The following DAG1 variants were observed in gnomAD, a reference collection of about 807,000 sequenced individuals.
DAG1 encodes dystroglycan 1 (dystrophin-associated glycoprotein 1).
A neutral mutation model predicts 46.1 loss-of-function variants in DAG1; 8 were observed. The ratio of observed to expected loss-of-function variants is 0.17; its 90% CI spans 0.10 to 0.31. The LOEUF (loss-of-function observed/expected upper bound fraction) is 0.31, where lower values mean the gene tolerates loss of function less well. DAG1 is among the 10% of genes least tolerant of loss of function. The pLI is 1.00. For synonymous variants in DAG1, 495 were observed against 481.8 expected, an observed-to-expected ratio of 1.03 and a Z score of -0.36; for missense variants, 1,003 against 1,189.9, an observed-to-expected ratio of 0.84 and a Z score of 2.31.
intron 1 of DAG1, among the ~76,000 whole-genome samples, chr3:49,472,716 A>T (rs1410037436): frequency 6.6e-6 from 1 of 152,130 alleles, no homozygotes; most frequent in Non-Finnish European, 1.5e-5. Flanking sequence ...CTGAGGCAGG[A>T]GAATGGCGTG....
Position 49,533,051 on chromosome 3 carries a change from T to C in DAG1, c.2540T>C (p.Met847Thr). 1 of 1,614,034 alleles carries C rather than the reference T, an allele frequency of 6.2e-7. No homozygotes were observed. The highest frequency in any genetic ancestry group is 8.5e-7 in the Non-Finnish European group (1 of 1,179,992). The part of the protein sequence containing the change: ...PETTPLNQDT[M>T]GEYTPLRDED... ...ACCACTCCTCTGAACCAGGACACCA[T>C]GGGAGAGTACACGCCCCTGCGGGAT... is the stretch of plus-strand genomic sequence containing the variant. The change falls in exon 3 of 3, where the codon ATG becomes ACG. Residue 847 changes from methionine to threonine, a missense_variant. Physicochemically the swap from Met to Thr is moderately conservative, Grantham distance 81 (BLOSUM62 -1). Around this residue, in one of 3 missense-constraint regions of DAG1, gnomAD observed 755 missense variants for 854.1 expected, o/e 0.88. Transcript: ENST00000308775.
In DAG1 at chr3:49,531,629, G is replaced by A. The variant is rs752984606; in HGVS notation, c.1118G>A (p.Arg373Gln). Residue 373 changes from arginine to glutamine, a missense_variant, in exon 3 of 3, where the codon CGA becomes CAA. Arg to Gln is a conservative substitution (Grantham distance 43). Transcript: ENST00000308775. The surrounding 1 kb of genome is among the most constrained non-coding windows in gnomAD (Gnocchi z 7.0). ...AAACCCACGGTCACCATCCGGACTC[G>A]AGGCGCCATTATTCAAACCCCAACC... Reference protein sequence around the residue: ...PGKPTVTIRTRGAIIQTPTLG... With the variant: ...PGKPTVTIRTQGAIIQTPTLG... The A allele has an allele frequency of 8.7e-6, 14 of 1,612,564 alleles. No individual in the cohort carries two copies. In the South Asian group the frequency reaches 9.9e-5, roughly 11 times the overall value.
chr3:49,484,770 G>T (rs927713511), intron 1 of DAG1, among the ~76,000 whole-genome samples: 10 of 152,024 alleles, frequency 6.6e-5, no homozygotes, highest in Non-Finnish European at 5.9e-5. Flanking sequence ...GGTGCCAAGG[G>T]GTTGGGAGCT....
intron 1 of DAG1, among the ~76,000 whole-genome samples, chr3:49,490,496 T>G (rs1310321728): frequency 2.0e-5 from 3 of 152,036 alleles, no homozygotes; most frequent in Non-Finnish European, 4.4e-5. Flanking sequence ...CTCTTTTCTA[T>G]CTATACCTTT....
intron 2 of DAG1, among the ~76,000 whole-genome samples, chr3:49,525,350 T>G (rs1405545461): frequency 1.3e-5 from 2 of 152,100 alleles, no homozygotes; most frequent in Non-Finnish European, 2.9e-5. Context: ...TCTGTTCTTG[T>G]GGTGCTATAA....
In DAG1 at chr3:49,531,595, G is replaced by T. The variant is rs1262761534; in HGVS notation, c.1084G>T (p.Val362Phe). Residue 362 changes from valine (V) to phenylalanine (F), a missense_variant, in exon 3 of 3, where the codon GTT becomes TTT. Around this residue, in one of 3 missense-constraint regions of DAG1, gnomAD observed 755 missense variants for 854.1 expected, o/e 0.88. Transcript: ENST00000308775. The surrounding 1 kb of genome is among the most constrained non-coding windows in gnomAD (Gnocchi z 7.0). Reference sequence around the variant, plus strand: ...CATGGCTCCTCCAGTCAGGGATCCTGTTCCTGGGAAACCCACGGTCACCAT... The same window carrying T: ...CATGGCTCCTCCAGTCAGGGATCCTTTTCCTGGGAAACCCACGGTCACCAT... ...ETMAPPVRDP[V>F]PGKPTVTIRT... 6.2e-7 allele frequency: 1 copy of T among 1,612,752 alleles called. No individual in the cohort carries two copies. Among genetic ancestry groups the T allele is most frequent in the Non-Finnish European group, 8.5e-7 (1 of 1,179,076 alleles).
chr3:49,470,810 CTG>C (rs1310578172), intron 1 of DAG1, among the ~76,000 whole-genome samples: 2 of 152,260 alleles, frequency 1.3e-5, no homozygotes, highest in Non-Finnish European at 2.9e-5. Context: ...CGGATTCCGA[CTG>C]TGGGGAGTCG....
At chr3:49,506,231 G>A (rs2050604066) in intron 1 of DAG1, among the ~76,000 whole-genome samples, 1 of 152,212 alleles carries the variant, frequency 6.6e-6, no homozygotes, top group Non-Finnish European at 1.5e-5. Flanking sequence ...ACCGGCCTCA[G>A]CCTCCCAAAG....
At chr3:49,503,143 T>G (rs2050504058) in intron 1 of DAG1, among the ~76,000 whole-genome samples, 1 of 152,016 alleles carries the variant, frequency 6.6e-6, no homozygotes, top group Admixed American at 6.6e-5. Flanking sequence ...TGCCTAGGAG[T>G]GGAAGGGCCC....
chr3:49,496,280 C>T (rs559382669), intron 1 of DAG1, among the ~76,000 whole-genome samples: 3 of 152,126 alleles, frequency 2.0e-5, no homozygotes, highest in Admixed American at 2.0e-4. Context: ...TCAAGCAGTC[C>T]TCCCACCTCA....
At chr3:49,518,607 C>T (rs955707699) in intron 2 of DAG1, among the ~76,000 whole-genome samples, 1 of 152,246 alleles carries the variant, frequency 6.6e-6, no homozygotes, top group African/African-American at 2.4e-5. Context: ...GATCCTGGCT[C>T]TTCTGCTCTG....
intron 1 of DAG1, among the ~76,000 whole-genome samples, chr3:49,486,808 T>C (rs2050045097): frequency 6.6e-6 from 1 of 152,210 alleles, no homozygotes; most frequent in African/African-American, 2.4e-5. Context: ...CAGCCTGATA[T>C]GAATATTCTT....
chr3:49,508,809 A>G (rs1041946513), intron 1 of DAG1, among the ~76,000 whole-genome samples: 5 of 152,200 alleles, frequency 3.3e-5, no homozygotes, highest in Non-Finnish European at 7.4e-5. Flanking sequence ...GATTACAGGC[A>G]TGAGCCACTG....
chr3:49,488,062 A>G (rs76909162), intron 1 of DAG1, among the ~76,000 whole-genome samples: 2 of 152,284 alleles, frequency 1.3e-5, no homozygotes, highest in East Asian at 3.9e-4. Flanking sequence ...AGAAAAACAT[A>G]GCATCATGTT....
chr3:49,522,340 T>G lies in DAG1; in HGVS notation c.286-8457T>G, dbSNP rs897451666. Among the ~76,000 whole-genome samples, 3 of 152,044 alleles carry G rather than the reference T, an allele frequency of 2.0e-5. No homozygotes were observed. In the South Asian group the frequency reaches 6.2e-4, roughly 32 times the overall value. ...AGCCACTGCGCCTGGCTTTTTTTTG[T>G]ATTTTTAGTAGAGATGGGCTTTCAC... On this transcript the variant is annotated intron_variant, in intron 2 of 2. Coordinates refer to ENST00000308775, the MANE Select transcript of DAG1 (RefSeq NM_004393.6).
intron 1 of DAG1, among the ~76,000 whole-genome samples, chr3:49,492,069 G>A (rs1411126260): frequency 2.0e-5 from 3 of 152,100 alleles, no homozygotes; most frequent in African/African-American, 7.2e-5. Flanking sequence ...TGGGATTATA[G>A]GCATGGGCCA....
rs940881183 is a variant in DAG1 at position 49,480,762 on chromosome 3, T to G, written c.-117+10329T>G. Among the ~76,000 whole-genome samples the G allele has an allele frequency of 4.8e-5, 6 of 126,070 alleles. 1 individual carries two copies. Among genetic ancestry groups the G allele is most frequent in the Non-Finnish European group, 1.1e-4 (6 of 52,922 alleles). 82.7% of individuals were successfully genotyped at this position (126,070 alleles called of 152,430 possible). ...AATTAACATCTCTGCATAAAGTTTT[T>G]TTTTTTTTTTTTTTTTTGAGACGGA... On this transcript the variant is annotated intron_variant, in intron 1 of 2. Transcript: ENST00000308775.
At chr3:49,524,103 A>AGG (rs2051106971) in intron 2 of DAG1, among the ~76,000 whole-genome samples, 1 of 152,170 alleles carries the variant, frequency 6.6e-6, no homozygotes, top group African/African-American at 2.4e-5. Flanking sequence ...GTTCCCGTGG[A>AGG]CTGAGGGCCT....
chr3:49,482,598 A>G (rs936740713), intron 1 of DAG1, among the ~76,000 whole-genome samples: 1 of 152,204 alleles, frequency 6.6e-6, no homozygotes, highest in Non-Finnish European at 1.5e-5. Context: ...CCATCCAGTC[A>G]CAGTACCTTC....
Sources: gnomAD v4.1 joint callset for allele counts (sites outside exome capture counted in the v4.1 genomes callset) on GRCh38, gnomAD v4.1.1 for gene constraint, gnomAD v4.1.1 regional missense constraint, Gnocchi (gnomAD v3.1) non-coding constraint, MANE v1.5 for transcripts, NCBI Gene and HGNC (gene_info 2026-07-23, HGNC 2026-07-21) for gene names.